The following AP4S1 variants were observed in gnomAD, a reference collection of about 807,000 sequenced individuals.
AP4S1 encodes adaptor related protein complex 4 subunit sigma 1.
AP4S1 carries 23 observed loss-of-function variants against 19.8 expected under a neutral mutation model. The ratio of observed to expected loss-of-function variants is 1.16; its 90% CI spans 0.84 to 1.65. The LOEUF (loss-of-function observed/expected upper bound fraction) is 1.65. Among genes scored for constraint, AP4S1 ranks in the 40% most tolerant of loss-of-function variants. The pLI is 0.00. For synonymous variants in AP4S1, 46 were observed against 54.1 expected (o/e 0.85, Z 0.66); for missense variants, 166 against 172.8 (o/e 0.96, Z 0.22).
chr14:31,093,165 T>C lies in AP4S1; in HGVS notation c.*130T>C, dbSNP rs1594721424. 7 of 879,054 alleles carry C rather than the reference T, an allele frequency of 8.0e-6. No individual in the cohort carries two copies. Among genetic ancestry groups the C allele is most frequent in the Admixed American group, 3.8e-5 (1 of 26,532 alleles). The allele number at this position is 879,054 out of a possible 1,614,324, so 54.5% of individuals were successfully genotyped here. A position where few individuals can be genotyped will look rare whatever the true frequency, so the allele number is the denominator to read the frequency against. On this transcript the variant is annotated 3_prime_UTR_variant, in exon 6 of 6. Transcript: ENST00000542754. Reference sequence around the variant, plus strand: ...ATGGGGTATCCTTCCAAAGACATTATAAATAGGCATTTTCCACAGTTCCTA... The same window carrying C: ...ATGGGGTATCCTTCCAAAGACATTACAAATAGGCATTTTCCACAGTTCCTA...
chr14:31,091,761 C>T (rs948682031), intron 5 of AP4S1, among the ~76,000 whole-genome samples: 1 of 152,140 alleles, frequency 6.6e-6, no homozygotes, highest in African/African-American at 2.4e-5. Flanking sequence ...GAACAATTCA[C>T]TTTACAAAGA....
rs185184321 is a variant in AP4S1, at chr14:31,035,343, C to T, written c.-72+9556C>T. On this transcript the variant is annotated intron_variant, in intron 1 of 5. Transcript: ENST00000542754. ...CCGAGTAGCTGGGATTACAAGCACA[C>T]GCCGCCACACCCAGCTAATTTTTGT... Among the ~76,000 whole-genome samples, 117 of 151,030 alleles carry T rather than the reference C, an allele frequency of 7.7e-4. No homozygotes were observed. The East Asian group carries it at 0.015, about 19-fold the overall frequency.
chr14:31,040,241 T>C (rs1246505230), intron 1 of AP4S1, among the ~76,000 whole-genome samples: 4 of 143,848 alleles, frequency 2.8e-5, no homozygotes, highest in Non-Finnish European at 6.0e-5. Context: ...AACCTCAACC[T>C]CCCAAGGCTC....
Position 31,084,816 on chromosome 14 carries a change from G to A in AP4S1, c.306+4232G>A, listed in dbSNP as rs745990829. 7.4e-6 allele frequency: 12 copies of A among 1,614,014 alleles called. No individual in the cohort carries two copies. The highest frequency in any genetic ancestry group is 4.5e-5 in the East Asian group (2 of 44,902). Reference sequence around the variant, plus strand: ...AAATATGCTCAGCCCTGGAGCCCCAGCAGACTTGCTTTTCTCCAGACAGTT... The same window carrying A: ...AAATATGCTCAGCCCTGGAGCCCCAACAGACTTGCTTTTCTCCAGACAGTT... On this transcript the variant is annotated intron_variant, in intron 5 of 5. Transcript: ENST00000542754.
At chr14:31,089,489 C>T (rs1317144682) in intron 5 of AP4S1, among the ~76,000 whole-genome samples, 1 of 152,176 alleles carries the variant, frequency 6.6e-6, no homozygotes, top group African/African-American at 2.4e-5. Context: ...TGGTCTCTGC[C>T]GTGGAATTCC....
At chr14:31,062,676 A>G (rs992241808) in intron 1 of AP4S1, among the ~76,000 whole-genome samples, 2 of 152,280 alleles carry the variant, frequency 1.3e-5, no homozygotes, top group East Asian at 1.9e-4. Flanking sequence ...GTAATAGTTC[A>G]CTAGGAATTG....
intron 1 of AP4S1, among the ~76,000 whole-genome samples, chr14:31,046,036 G>C (rs990421005): frequency 2.0e-5 from 3 of 150,106 alleles, no homozygotes; most frequent in Admixed American, 1.3e-4. Flanking sequence ...GCATGATCTC[G>C]GCTCACTGCA....
intron 3 of AP4S1, among the ~76,000 whole-genome samples, chr14:31,070,488 T>C (rs1886942431): frequency 6.6e-6 from 1 of 152,134 alleles, no homozygotes; most frequent in Admixed American, 6.6e-5. Context: ...CTTCAAGCGA[T>C]CTTCCTGGCT....
intron 5 of AP4S1, among the ~76,000 whole-genome samples, chr14:31,083,227 C>T (rs946483649): frequency 6.6e-6 from 1 of 152,150 alleles, no homozygotes; most frequent in Non-Finnish European, 1.5e-5. Context: ...CGTCAAGATA[C>T]ACAATTTTCC....
chr14:31,083,217 C>T (rs528131133), intron 5 of AP4S1, among the ~76,000 whole-genome samples: 3 of 152,262 alleles, frequency 2.0e-5, no homozygotes, highest in Admixed American at 6.5e-5. Flanking sequence ...TAAAATTTTA[C>T]GTCAAGATAC....
intron 5 of AP4S1, chr14:31,083,539 C>G (rs1440365551): frequency 2.2e-5 from 8 of 364,052 alleles, no homozygotes; most frequent in East Asian, 8.4e-5. Context: ...AGGTCTTGCT[C>G]TGTCACCCAG....
chr14:31,073,211 C>G (rs1237086462), intron 4 of AP4S1: 18 of 453,254 alleles, frequency 4.0e-5, no homozygotes, highest in African/African-American at 3.0e-4. Flanking sequence ...CCTCTTATAG[C>G]AGGGCGCGAT....
chr14:31,040,857 G>C (rs964921128), intron 1 of AP4S1, among the ~76,000 whole-genome samples: 1 of 151,832 alleles, frequency 6.6e-6, no homozygotes, highest in African/African-American at 2.4e-5. Context: ...TATCTAATAA[G>C]AATTTAAAAA....
At position 31,084,859 on chromosome 14, in the gene AP4S1, G is replaced by C. The variant is rs528491755; in HGVS notation, c.306+4275G>C. ...AGACAGTTCATCATTCAAAGGAGCT[G>C]CCTCCACCACCCCCATCTACTGAAT... On this transcript the variant is annotated intron_variant, in intron 5 of 5. Transcript: ENST00000542754. The C allele has an allele frequency of 2.5e-6, 4 of 1,614,176 alleles. No homozygotes were observed. In the South Asian group the frequency reaches 4.4e-5, roughly 18 times the overall value.
At chr14:31,092,513 T>C (rs1888102227) in intron 5 of AP4S1, among the ~76,000 whole-genome samples, 1 of 152,220 alleles carries the variant, frequency 6.6e-6, no homozygotes, top group African/African-American at 2.4e-5. Context: ...ACACACTGTC[T>C]GGAACGGGAG....
At chr14:31,049,428 A>AAAAAAAAAAATATATATAT (rs1384450221) in intron 1 of AP4S1, among the ~76,000 whole-genome samples, 2 of 57,768 alleles carry the variant, frequency 3.5e-5, no homozygotes, top group Non-Finnish European at 5.8e-5. Flanking sequence ...AAAAAAAAAA[A>AAAAAAAAAAATATATATAT]ATATATATAT....
At chr14:31,041,916 C>T (rs1171214420) in intron 1 of AP4S1, among the ~76,000 whole-genome samples, 1 of 152,190 alleles carries the variant, frequency 6.6e-6, no homozygotes, top group Admixed American at 6.5e-5. Context: ...GCAGCCTCCG[C>T]CTCCCAGGTT....
In AP4S1 at chr14:31,049,991, G is replaced by A. The variant is rs1329346863; in HGVS notation, c.-71-16135G>A. On this transcript the variant is annotated intron_variant, in intron 1 of 5. Coordinates refer to ENST00000542754, the MANE Select transcript of AP4S1 (RefSeq NM_001128126.3). ...GACTGGAGTGCAGTGGCATGATCTC[G>A]GCTCACTGCAACCTCCACTTCCCAG... is the stretch of plus-strand genomic sequence containing the variant. Among the ~76,000 whole-genome samples the A allele has an allele frequency of 2.0e-5, 3 of 152,058 alleles. No homozygotes were observed. In the East Asian group the frequency reaches 5.8e-4, roughly 29 times the overall value.
intron 1 of AP4S1, among the ~76,000 whole-genome samples, chr14:31,044,250 T>C (rs893975305): frequency 2.6e-5 from 4 of 152,180 alleles, no homozygotes; most frequent in East Asian, 1.9e-4. Flanking sequence ...TTTCTACTTA[T>C]TATGTCATAG....
Sources: gnomAD v4.1 joint callset for allele counts (sites outside exome capture counted in the v4.1 genomes callset) on GRCh38, gnomAD v4.1.1 for gene constraint, MANE v1.5 for transcripts, NCBI Gene and HGNC (gene_info 2026-07-23, HGNC 2026-07-21) for gene names.